Variants in CCDC102B observed in about 807,000 individuals in gnomAD.
CCDC102B encodes coiled-coil domain containing 102B, also known as coiled-coil domain-containing protein 102B.
In CCDC102B, 75 loss-of-function variants were observed where a neutral mutation model predicts 57.4. The ratio of observed to expected loss-of-function variants is 1.31; its 90% CI spans 1.08 to 1.58. The LOEUF (loss-of-function observed/expected upper bound fraction) is 1.58. CCDC102B is among the 40% of genes most tolerant of loss of function. The pLI is 0.00. For missense variants in CCDC102B, 636 were observed against 582.6 expected (o/e 1.09, Z -0.94); for synonymous variants, 206 against 201.9 (o/e 1.02, Z -0.17).
chr18:68,814,097 A>G (rs190191218), intron 1 of CCDC102B, among the ~76,000 whole-genome samples: 3 of 152,212 alleles, frequency 2.0e-5, no homozygotes, highest in Admixed American at 2.0e-4. Flanking sequence ...GTAGAGTGAG[A>G]AGTATAAAAG....
At chr18:68,898,015 G>T (rs1472682613) in intron 6 of CCDC102B, among the ~76,000 whole-genome samples, 1 of 151,962 alleles carries the variant, frequency 6.6e-6, no homozygotes, top group Non-Finnish European at 1.5e-5. Flanking sequence ...TTTTGGATGT[G>T]TTTTATCCCC....
intron 6 of CCDC102B, among the ~76,000 whole-genome samples, chr18:68,954,497 A>G (rs1413250237): frequency 2.6e-5 from 4 of 152,188 alleles, no homozygotes; most frequent in African/African-American, 9.6e-5. Flanking sequence ...TTCTTAACCA[A>G]CTGGATTCAT....
chr18:69,012,378 A>G (rs1429091252), intron 7 of CCDC102B, among the ~76,000 whole-genome samples: 1 of 152,134 alleles, frequency 6.6e-6, no homozygotes, highest in African/African-American at 2.4e-5. Context: ...AATTTCTTCT[A>G]GGGTTCGTGG....
chr18:68,790,134 G>T (rs1332141025), intron 2 of CCDC102B, among the ~76,000 whole-genome samples: 1 of 150,188 alleles, frequency 6.7e-6, no homozygotes, highest in Non-Finnish European at 1.5e-5. Flanking sequence ...CTCCCAGTTA[G>T]GCTGCTCAGG....
chr18:68,720,504 G>A (rs775773184), intron 2 of CCDC102B, among the ~76,000 whole-genome samples: 12 of 152,254 alleles, frequency 7.9e-5, no homozygotes, highest in South Asian at 4.1e-4. Flanking sequence ...ATTTTAAAGC[G>A]TTCTATGCAC....
At chr18:68,927,905 T>G (rs946502473) in intron 6 of CCDC102B, among the ~76,000 whole-genome samples, 4 of 151,888 alleles carry the variant, frequency 2.6e-5, no homozygotes, top group African/African-American at 9.7e-5. Flanking sequence ...GGAGTGTTTG[T>G]TTTGGTGGAA....
At chr18:68,919,157 T>G (rs1207224922) in intron 6 of CCDC102B, among the ~76,000 whole-genome samples, 1 of 151,976 alleles carries the variant, frequency 6.6e-6, no homozygotes, top group Non-Finnish European at 1.5e-5. Flanking sequence ...TATTATTTAT[T>G]AATGTCATAA....
intron 6 of CCDC102B, among the ~76,000 whole-genome samples, chr18:68,972,923 T>C (rs1355861720): frequency 6.6e-6 from 1 of 152,166 alleles, no homozygotes. Flanking sequence ...AAAAGGAACA[T>C]ATATTTGCAA....
rs1199222488 is a variant in CCDC102B at position 68,836,742 on chromosome 18, T to C, written c.-15-7T>C. 13 of 1,600,200 alleles carry C rather than the reference T, an allele frequency of 8.1e-6. No homozygotes were observed. The highest frequency in any genetic ancestry group is 1.3e-5 in the African/African-American group (1 of 74,662). On this transcript the variant is annotated splice_region_variant and splice_polypyrimidine_tract_variant and intron_variant, in intron 1 of 7. Transcript: ENST00000360242. ...AGCGTGAAATTATGGTCTCTATCTT[T>C]TCTCAGGTCTTAAAAATAAATATGA...
At chr18:68,937,330 G>T (rs567926418) in intron 6 of CCDC102B, among the ~76,000 whole-genome samples, 1 of 152,148 alleles carries the variant, frequency 6.6e-6, no homozygotes, top group African/African-American at 2.4e-5. Flanking sequence ...AAAGATACTT[G>T]TTCACAGAAC....
chr18:68,744,076 G>T (rs1421459945), intron 2 of CCDC102B, among the ~76,000 whole-genome samples: 1 of 152,108 alleles, frequency 6.6e-6, no homozygotes, highest in Admixed American at 6.5e-5. Context: ...CAACATATGG[G>T]ACATTTTCTA....
At chr18:68,982,024 C>G (rs1468566523) in intron 6 of CCDC102B, among the ~76,000 whole-genome samples, 1 of 151,640 alleles carries the variant, frequency 6.6e-6, no homozygotes, top group Non-Finnish European at 1.5e-5. Flanking sequence ...ATTGGGAGAA[C>G]TTATCTTTTC....
At chr18:68,740,168 G>T (rs2033321755) in intron 2 of CCDC102B, among the ~76,000 whole-genome samples, 1 of 152,090 alleles carries the variant, frequency 6.6e-6, no homozygotes, top group Non-Finnish European at 1.5e-5. Context: ...TGCAGCACCT[G>T]CCCCAGTTGA....
intron 5 of CCDC102B, among the ~76,000 whole-genome samples, chr18:68,884,583 T>TAC (rs35333428): frequency 0.02 from 2,952 of 147,962 alleles, 85 homozygotes; most frequent in African/African-American, 0.064. Flanking sequence ...ACAATACAAA[T>TAC]ACACACACAC....
At chr18:68,970,864 A>G (rs540885815) in intron 6 of CCDC102B, among the ~76,000 whole-genome samples, 19 of 152,132 alleles carry the variant, frequency 1.2e-4, no homozygotes, top group Admixed American at 3.9e-4. Context: ...TTTAGGTCCT[A>G]TATTGAAAAC....
At chr18:68,935,031 G>GTGA (rs1311946528) in intron 6 of CCDC102B, among the ~76,000 whole-genome samples, 1 of 151,918 alleles carries the variant, frequency 6.6e-6, no homozygotes, top group African/African-American at 2.4e-5. Flanking sequence ...GATGCCTGTA[G>GTGA]TGATGTGGGT....
intron 3 of CCDC102B, 70 bp from the exon 4 acceptor site, chr18:68,846,243 T>C (rs2037850643): frequency 1.1e-6 from 1 of 928,662 alleles, no homozygotes; most frequent in African/African-American, 1.7e-5. Context: ...GCCTATAAAA[T>C]TGAATGCATC....
chr18:69,024,094 T>C (rs1414902278), intron 7 of CCDC102B, among the ~76,000 whole-genome samples: 2 of 151,998 alleles, frequency 1.3e-5, no homozygotes, highest in Admixed American at 1.3e-4. Flanking sequence ...AAAAAAATAA[T>C]AATGGGAAAT....
At chr18:68,893,152 G>C (rs1320806812) in intron 5 of CCDC102B, among the ~76,000 whole-genome samples, 1 of 152,134 alleles carries the variant, frequency 6.6e-6, no homozygotes, top group Admixed American at 6.6e-5. Flanking sequence ...TCTTCTTTAG[G>C]AAATAAATTT....
Sources: allele counts gnomAD v4.1 joint callset (sites outside exome capture counted in the v4.1 genomes callset), GRCh38; gene constraint gnomAD v4.1.1; transcripts MANE v1.5; gene names NCBI Gene and HGNC (gene_info 2026-07-23, HGNC 2026-07-21).